AKNA: variants seen among roughly 807,000 people sequenced by gnomAD.
AKNA encodes AT-hook transcription factor.
A neutral mutation model predicts 138.8 loss-of-function variants in AKNA; 67 were observed. That is an observed-to-expected ratio of 0.48 (90% confidence interval 0.40 to 0.59). AKNA has a LOEUF of 0.59. Among genes scored for constraint, AKNA ranks in the 20% least tolerant of loss-of-function variants. The pLI is 0.00. For missense variants in AKNA, 1,813 were observed against 1,880.4 expected (o/e 0.96, Z 0.66); for synonymous variants, 737 against 754.4 (o/e 0.98, Z 0.38).
chr9:114,369,868 C>T (rs1051203964), intron 4 of AKNA, among the ~76,000 whole-genome samples: 1 of 152,142 alleles, frequency 6.6e-6, no homozygotes, highest in South Asian at 2.1e-4. Flanking sequence ...CCATTTTTAC[C>T]ATTACCGTCA....
At chr9:114,362,216 G>A (rs551562793) in intron 8 of AKNA, among the ~76,000 whole-genome samples, 190 bp downstream of exon 8, 2 of 152,314 alleles carry the variant, frequency 1.3e-5, no homozygotes, top group South Asian at 2.1e-4. Context: ...TTCTCAGCAC[G>A]TGGGTCCAAA....
At chr9:114,374,226 C>T (rs950203518) in intron 3 of AKNA, 59 bp from the exon 4 acceptor site, 2 of 1,491,926 alleles carry the variant, frequency 1.3e-6, no homozygotes, top group Admixed American at 2.0e-5. Context: ...CCCCTCCTTG[C>T]TGGGAGACCC....
intron 7 of AKNA, 47 bp from the exon 8 acceptor site, chr9:114,362,580 G>A (rs371113261): frequency 8.7e-5 from 139 of 1,591,230 alleles, no homozygotes; most frequent in Non-Finnish European, 1.1e-4. Flanking sequence ...AGTCCCCGCG[G>A]GGCCTGTCCC....
downstream of AKNA, chr9:114,330,948 G>C: frequency 9.1e-7 from 1 of 1,102,108 alleles, no homozygotes; most frequent in Non-Finnish European, 1.4e-6. Context: ...GAGCCCTGGA[G>C]GCTTTGGGCA....
chr9:114,390,680 T>A (rs1000007741), upstream of AKNA, among the ~76,000 whole-genome samples: 2 of 152,194 alleles, frequency 1.3e-5, no homozygotes, highest in Non-Finnish European at 2.9e-5. Context: ...AGAAAGAAGA[T>A]GAAACTCCAC....
intron 2 of AKNA, among the ~76,000 whole-genome samples, chr9:114,377,910 G>A (rs771371441): frequency 1.3e-5 from 2 of 152,070 alleles, no homozygotes; most frequent in Non-Finnish European, 2.9e-5. Flanking sequence ...TATAAAGATC[G>A]CAAACTCATC....
upstream of AKNA, among the ~76,000 whole-genome samples, chr9:114,391,870 A>AAC (rs1554711302): frequency 2.0e-3 from 304 of 149,798 alleles, 10 homozygotes; most frequent in East Asian, 0.031. Flanking sequence ...AAAAAAAAAA[A>AAC]AAAACACCAA....
Position 114,364,515 on chromosome 9 carries a change from T to C in AKNA, c.1788+45A>G, listed in dbSNP as rs551445807. The stretch of plus-strand genomic sequence containing the variant: ...TCAGAGACAGAGTCATGGGAGACAG[T>C]GGTTGTCTGGCAGTTCCATGGGTGG... On this transcript the variant is annotated intron_variant, in intron 7 of 21. Coordinates refer to ENST00000374088, the MANE Select transcript of AKNA (RefSeq NM_001317950.2). The C allele has an allele frequency of 1.1e-5, 17 of 1,593,652 alleles. No homozygotes were observed. The South Asian group carries it at 1.5e-4, about 14-fold the overall frequency.
intron 6 of AKNA, among the ~76,000 whole-genome samples, chr9:114,365,202 C>T (rs1351602792): frequency 6.6e-6 from 1 of 152,180 alleles, no homozygotes; most frequent in African/African-American, 2.4e-5. Flanking sequence ...GGCTGGAAGA[C>T]AGGAATGAGA....
chr9:114,382,097 G>A (rs7036486), intron 1 of AKNA, among the ~76,000 whole-genome samples: 1 of 152,228 alleles, frequency 6.6e-6, no homozygotes, highest in Admixed American at 6.5e-5. Context: ...GCTCATGGGA[G>A]AACTGATGGC....
chr9:114,390,256 C>T (rs1834283114), upstream of AKNA, among the ~76,000 whole-genome samples: 1 of 152,086 alleles, frequency 6.6e-6, no homozygotes, highest in Admixed American at 6.5e-5. Context: ...TTTGCTCATG[C>T]ACTGCCCCCT....
At chr9:114,361,470 C>A (rs10817595) in intron 9 of AKNA, among the ~76,000 whole-genome samples, 63,180 of 151,892 alleles carry the variant, frequency 0.42, 15,095 homozygotes, top group Middle Eastern at 0.57. Context: ...TTCAACTCTA[C>A]AGAAAACTCT....
At chr9:114,394,186 A>T (rs1180428666) in intron 1 of AKNA, among the ~76,000 whole-genome samples, 2 of 151,914 alleles carry the variant, frequency 1.3e-5, no homozygotes, top group Non-Finnish European at 2.9e-5. Context: ...AAAAAAAAAA[A>T]AAGTTTACAA....
rs760891130 is a variant in AKNA, at chr9:114,342,106, G to A, written c.3777C>T (p.Asp1259=). Residue 1259 remains aspartate (D), a synonymous_variant, in exon 20 of 22, where the codon GAC becomes GAT. Coordinates refer to ENST00000374088, the MANE Select transcript of AKNA (RefSeq NM_001317950.2). ...TATCAGCGGGAGGCGGTCCCAGTGGGTCCCCTGTGACAGCACCACCTAGAA... is the reference window on the plus strand; with the variant it reads ...TATCAGCGGGAGGCGGTCCCAGTGGATCCCCTGTGACAGCACCACCTAGAA... The part of the protein sequence containing the change: ...TQDAGGAVTG[D]PLGPPPADTL... The A allele has an allele frequency of 3.7e-6, 6 of 1,603,212 alleles. No individual in the cohort carries two copies. The East Asian group carries it at 1.3e-4, about 36-fold the overall frequency.
intron 2 of AKNA, among the ~76,000 whole-genome samples, chr9:114,380,807 C>G (rs1833587294): frequency 8.6e-6 from 1 of 116,890 alleles, no homozygotes; most frequent in African/African-American, 3.2e-5. Flanking sequence ...AACCCCGTCT[C>G]TACTAAAAAA....
downstream of AKNA, among the ~76,000 whole-genome samples, chr9:114,331,151 CCT>C (rs1201918094): frequency 2.0e-5 from 3 of 152,068 alleles, no homozygotes; most frequent in East Asian, 3.9e-4. Flanking sequence ...TCTCTCACGC[CCT>C]CTTTAAGATC....
At chr9:114,348,049 G>C (rs1487693263) in intron 15 of AKNA, 149 bp from the exon 16 acceptor site, 2 of 848,456 alleles carry the variant, frequency 2.4e-6, no homozygotes, top group African/African-American at 3.6e-5. Flanking sequence ...GAACTTTCCT[G>C]TGCGACACTT....
upstream of AKNA, among the ~76,000 whole-genome samples, chr9:114,390,503 T>C (rs1008507196): frequency 5.3e-5 from 8 of 152,206 alleles, no homozygotes; most frequent in Non-Finnish European, 1.0e-4. Context: ...CACCAGAATC[T>C]GTCCCCGTTT....
chr9:114,366,212 G>A (rs373262253), intron 6 of AKNA, among the ~76,000 whole-genome samples: 15 of 151,590 alleles, frequency 9.9e-5, no homozygotes, highest in Admixed American at 9.2e-4. Flanking sequence ...CCCGGGAAGC[G>A]GAGGTTGCAG....
Sources: gnomAD v4.1 joint callset for allele counts (sites outside exome capture counted in the v4.1 genomes callset) on GRCh38, gnomAD v4.1.1 for gene constraint, MANE v1.5 for transcripts, NCBI Gene and HGNC (gene_info 2026-07-23, HGNC 2026-07-21) for gene names.